Variants in SCML4 observed in about 807,000 individuals in gnomAD.
The protein encoded by SCML4 is sex comb on midleg-like protein 4.
A neutral mutation model predicts 41.1 loss-of-function variants in SCML4; 34 were observed. That is an observed-to-expected ratio of 0.83 (90% CI 0.63 to 1.10). The LOEUF (loss-of-function observed/expected upper bound fraction) is 1.10, where lower values mean the gene tolerates loss of function less well. Ranked by LOEUF, SCML4 falls within the 50% of genes least tolerant of loss-of-function variation. SCML4 has a pLI of 0.00. For missense variants in SCML4, 522 were observed against 534.1 expected, an observed-to-expected ratio of 0.98 and a Z score of 0.22; for synonymous variants, 214 against 220.9, an observed-to-expected ratio of 0.97 and a Z score of 0.28.
intron 1 of SCML4, among the ~76,000 whole-genome samples, chr6:107,800,100 C>G (rs566744332): frequency 2.0e-5 from 3 of 152,014 alleles, no homozygotes; most frequent in East Asian, 1.9e-4. Flanking sequence ...ATCCTCCCCC[C>G]TCAGCCTCCC....
At position 107,702,223 on chromosome 6, in the gene SCML4, A is replaced by G. The variant is rs1182710001; in HGVS notation, c.*2977T>C. Among the ~76,000 whole-genome samples the G allele has an allele frequency of 6.6e-6, 1 of 152,214 alleles. No homozygotes were observed. Among genetic ancestry groups the G allele is most frequent in the Admixed American group, 6.5e-5 (1 of 15,280 alleles). On this transcript the variant is annotated 3_prime_UTR_variant, in exon 8 of 8. Coordinates refer to ENST00000369020, the MANE Select transcript of SCML4 (RefSeq NM_198081.5). ...TTTAAAAAGTCAAACCTTAAATATC[A>G]TGGCTTCAGCAATCTGTCCTGCTTA...
At chr6:107,740,114 C>T (rs1777448090) in intron 5 of SCML4, 1 of 470,992 alleles carries the variant, frequency 2.1e-6, no homozygotes, top group Non-Finnish European at 4.4e-6. Flanking sequence ...AACCAGCTTT[C>T]AGATGGGGAC....
chr6:107,842,646 G>A, the SCML4 span, among the ~76,000 whole-genome samples: 23 of 152,170 alleles, frequency 1.5e-4, no homozygotes, highest in East Asian at 9.6e-4. Context: ...TGCCCAGGTC[G>A]GCCTCCCAAA....
chr6:107,758,143 T>C (rs1324931959), intron 2 of SCML4, among the ~76,000 whole-genome samples: 3 of 152,256 alleles, frequency 2.0e-5, no homozygotes, highest in Non-Finnish European at 4.4e-5. Context: ...TTCTAGGTGC[T>C]GAAGATTCAG....
At chr6:107,829,539 T>C in the SCML4 span, among the ~76,000 whole-genome samples, 13 of 152,076 alleles carry the variant, frequency 8.5e-5, no homozygotes, top group Non-Finnish European at 1.8e-4. Flanking sequence ...AGTTGAACAA[T>C]AAGAACACAC....
intron 2 of SCML4, among the ~76,000 whole-genome samples, chr6:107,768,935 C>T (rs2354096): frequency 1 from 151,947 of 152,304 alleles, 75,798 homozygotes; most frequent in Non-Finnish European, 1. Flanking sequence ...GATTTGTTCT[C>T]ACTGCAGCCC....
At chr6:107,718,129 T>C (rs1775014771) in intron 6 of SCML4, among the ~76,000 whole-genome samples, 1 of 152,192 alleles carries the variant, frequency 6.6e-6, no homozygotes, top group Non-Finnish European at 1.5e-5. Context: ...GATTCCAGGA[T>C]GATATGAGTT....
chr6:107,825,300 G>A (rs529089808), upstream of SCML4, among the ~76,000 whole-genome samples: 4 of 152,212 alleles, frequency 2.6e-5, no homozygotes, highest in East Asian at 3.9e-4. Context: ...AAATTTAGCC[G>A]GGACTAAATA....
the SCML4 span, among the ~76,000 whole-genome samples, chr6:107,845,408 G>C: frequency 6.6e-6 from 1 of 152,198 alleles, no homozygotes; most frequent in African/African-American, 2.4e-5. Context: ...GGCACTAGGA[G>C]GAGATGGCAT....
chr6:107,805,729 C>T (rs1486168598), intron 1 of SCML4, among the ~76,000 whole-genome samples: 2 of 152,188 alleles, frequency 1.3e-5, no homozygotes, highest in Non-Finnish European at 2.9e-5. Context: ...TAAAGTTGTA[C>T]ATATGTGGTG....
At position 107,705,117 on chromosome 6, in the gene SCML4, G is replaced by C; in HGVS notation, c.*83C>G. The C allele has an allele frequency of 8.1e-7, 1 of 1,231,100 alleles. No homozygotes were observed. The highest frequency in any genetic ancestry group is 1.2e-6 in the Non-Finnish European group (1 of 857,000). The allele number at this position is 1,231,100 out of a possible 1,614,324, so 76.3% of individuals were successfully genotyped here. On this transcript the variant is annotated 3_prime_UTR_variant, in exon 8 of 8. Transcript: ENST00000369020. ...TAATTTTAAGAGGAGAGTCTAGTTTGTGATGTTGGCGGGATATTGGTAAGG... is the reference window on the plus strand; with the variant it reads ...TAATTTTAAGAGGAGAGTCTAGTTTCTGATGTTGGCGGGATATTGGTAAGG...
At chr6:107,720,592 C>T in intron 6 of SCML4, 111 bp downstream of exon 6, 1 of 1,441,662 alleles carries the variant, frequency 6.9e-7, no homozygotes, top group Non-Finnish European at 9.1e-7. Context: ...TCTGATCTCC[C>T]AGCAGTCCCA....
intron 1 of SCML4, among the ~76,000 whole-genome samples, chr6:107,801,436 G>GC (rs1287786430): frequency 6.6e-6 from 1 of 151,958 alleles, no homozygotes; most frequent in East Asian, 1.9e-4. Flanking sequence ...CTGCCTACCT[G>GC]CCCCCCACCC....
chr6:107,818,115 C>A (rs1262198873), intron 1 of SCML4, among the ~76,000 whole-genome samples: 3 of 152,186 alleles, frequency 2.0e-5, no homozygotes, highest in Non-Finnish European at 4.4e-5. Flanking sequence ...AATTTGCATA[C>A]CCAAATTTAA....
At chr6:107,730,534 CAA>C (rs1776435180) in intron 5 of SCML4, among the ~76,000 whole-genome samples, 1 of 152,180 alleles carries the variant, frequency 6.6e-6, no homozygotes, top group South Asian at 2.1e-4. Flanking sequence ...TGCATCCAGC[CAA>C]GAGACTAATG....
the SCML4 span, among the ~76,000 whole-genome samples, chr6:107,833,070 C>A: frequency 2.6e-5 from 4 of 152,002 alleles, no homozygotes; most frequent in African/African-American, 9.7e-5. Context: ...AACTGGGTTG[C>A]GAATATTGGG....
In SCML4 at chr6:107,802,576, GAGGGAGGAAGGAAGGA is replaced by G. The variant is rs1404113140; in HGVS notation, c.-60+21534_-60+21549del. On this transcript the variant is annotated intron_variant, in intron 1 of 7. Transcript: ENST00000369020. ...CTTAAGAGCATTGGCTCGAGGGAGG[GAGGGAGGAAGGAAGGA>G]AGGAAGGAAGGAAGGAAGGAAGGAA... Among the ~76,000 whole-genome samples, 365 of 51,294 alleles carry G rather than the reference GAGGGAGGAAGGAAGGA, an allele frequency of 7.1e-3. 12 individuals are homozygous for G. The highest frequency in any genetic ancestry group is 0.017 in the South Asian group (18 of 1,066). The allele number at this position is 51,294 out of a possible 152,430, so 33.7% of individuals were successfully genotyped here.
At chr6:107,790,235 A>G (rs1782216503) in intron 1 of SCML4, among the ~76,000 whole-genome samples, 1 of 152,230 alleles carries the variant, frequency 6.6e-6, no homozygotes, top group Admixed American at 6.5e-5. Flanking sequence ...AGACAAGTCA[A>G]CAGTAGTATT....
intron 5 of SCML4, among the ~76,000 whole-genome samples, chr6:107,722,846 G>T (rs569828537): frequency 1.1e-4 from 17 of 152,142 alleles, no homozygotes; most frequent in African/African-American, 4.1e-4. Context: ...AAGGAAGAAA[G>T]ATCTCAAATG....
Sources: gnomAD v4.1 joint callset for allele counts (sites outside exome capture counted in the v4.1 genomes callset) on GRCh38, gnomAD v4.1.1 for gene constraint, MANE v1.5 for transcripts, NCBI Gene and HGNC (gene_info 2026-07-23, HGNC 2026-07-21) for gene names.